Variants in SORL1 observed in about 807,000 individuals in gnomAD.
SORL1 encodes sortilin related receptor 1.
Under a neutral mutation model 273.7 loss-of-function variants are expected in SORL1, and 127 were observed. The observed-to-expected ratio is 0.46, with a 90% CI of 0.40 to 0.54. The LOEUF is 0.54. Among genes scored for constraint, SORL1 ranks in the 20% least tolerant of loss-of-function variants. SORL1 has a pLI of 0.00. For missense variants in SORL1, 2,494 were observed against 2,846.1 expected, an observed-to-expected ratio of 0.88 and a Z score of 2.81; for synonymous variants, 1,031 against 1,067.4, an observed-to-expected ratio of 0.97 and a Z score of 0.66.
chr11:121,612,517 G>T, intron 39 of SORL1: 4 of 366,748 alleles, frequency 1.1e-5, no homozygotes, highest in South Asian at 4.9e-5. Flanking sequence ...ATTAAATATG[G>T]TCTCGTTTGT....
Position 121,629,640 on chromosome 11 carries a change from A to G in SORL1, c.*77A>G, listed in dbSNP as rs1863846601. On this transcript the variant is annotated 3_prime_UTR_variant, in exon 48 of 48. Coordinates refer to ENST00000260197, the MANE Select transcript of SORL1 (RefSeq NM_003105.6). ...GATAGTTGATGGTTTATTTTAAAAG[A>G]TGCACTTTGAGTTGCAATATGTTAT... is the stretch of plus-strand genomic sequence containing the variant. 1 of 761,622 alleles carries G rather than the reference A, an allele frequency of 1.3e-6. No homozygotes were observed. Among genetic ancestry groups the G allele is most frequent in the East Asian group, 2.5e-5 (1 of 39,868 alleles). 47.2% of individuals were successfully genotyped at this position (761,622 alleles called of 1,614,324 possible).
At chr11:121,553,704 A>G (rs1388603780) in intron 16 of SORL1, among the ~76,000 whole-genome samples, 2 of 152,252 alleles carry the variant, frequency 1.3e-5, no homozygotes, top group Non-Finnish European at 2.9e-5. Context: ...CATAACAAGT[A>G]AAACACTTGC....
In SORL1 at chr11:121,554,060, A is replaced by G. The variant is rs199951452; in HGVS notation, c.2390A>G (p.Tyr797Cys). 5.6e-6 allele frequency: 9 copies of G among 1,614,040 alleles called. No homozygotes were observed. The highest frequency in any genetic ancestry group is 1.6e-4 in the Middle Eastern group (1 of 6,084). Residue 797 changes from tyrosine (Y) to cysteine (C), a missense_variant, in exon 17 of 48, where the codon TAT (tyrosine) becomes TGT (cysteine). This residue lies in a region of SORL1 where 710 missense variants were observed against 882.5 expected (regional missense o/e 0.80). Transcript: ENST00000260197. The surrounding 1 kb of genome is among the most constrained non-coding windows in gnomAD (Gnocchi z 4.6). Reference protein sequence around the residue: ...LRAAVALDFDYEHNCLYWSDL... With the variant: ...LRAAVALDFDCEHNCLYWSDL... Reference sequence around the variant, plus strand: ...GCAGCAGTGGCCCTGGACTTTGACTATGAGCACAACTGTTTGTATTGGTCC... The same window carrying G: ...GCAGCAGTGGCCCTGGACTTTGACTGTGAGCACAACTGTTTGTATTGGTCC...
intron 2 of SORL1, 37 bp downstream of exon 2, chr11:121,470,160 C>A: frequency 7.4e-7 from 1 of 1,354,126 alleles, no homozygotes; most frequent in Non-Finnish European, 1.1e-6. Flanking sequence ...ACCTTGGTGC[C>A]ATCAACATGC....
chr11:121,529,362 G>T (rs1040714051), intron 11 of SORL1, among the ~76,000 whole-genome samples: 4 of 151,734 alleles, frequency 2.6e-5, no homozygotes, highest in Admixed American at 6.6e-5. Flanking sequence ...GATTTCAGGC[G>T]CTCACCACCA....
intron 44 of SORL1, 56 bp from the exon 45 acceptor site, chr11:121,622,106 A>C: frequency 1.0e-6 from 1 of 976,968 alleles, no homozygotes; most frequent in South Asian, 1.4e-5. Context: ...AGACAAGAAA[A>C]TAGAGTTTCA....
intron 22 of SORL1, among the ~76,000 whole-genome samples, chr11:121,567,787 C>T (rs769555664): frequency 3.3e-5 from 5 of 152,222 alleles, no homozygotes; most frequent in African/African-American, 7.2e-5. Context: ...TCCAGCATCA[C>T]GTTTCTGTGA....
chr11:121,524,505 A>G (rs1440163751), intron 11 of SORL1, among the ~76,000 whole-genome samples: 1 of 152,204 alleles, frequency 6.6e-6, no homozygotes, highest in East Asian at 1.9e-4. Flanking sequence ...TTGTGAGTTT[A>G]TCTGTGTGAG....
intron 1 of SORL1, among the ~76,000 whole-genome samples, chr11:121,460,735 A>G (rs1405235169): frequency 5.9e-5 from 9 of 152,150 alleles, no homozygotes; most frequent in African/African-American, 2.2e-4. Flanking sequence ...GGCATTGGAA[A>G]GGCTGGTATG....
At chr11:121,557,476 G>A (rs1862608638) in intron 19 of SORL1, 71 bp downstream of exon 19, 1 of 1,151,024 alleles carries the variant, frequency 8.7e-7, no homozygotes, top group African/African-American at 1.5e-5. Flanking sequence ...TGGAAACACA[G>A]ACTGCGGGAC....
Position 121,609,982 on chromosome 11 carries a change from G to A in SORL1, c.5240-1094G>A, listed in dbSNP as rs369453018. On this transcript the variant is annotated intron_variant, in intron 38 of 47. Transcript: ENST00000260197. The stretch of plus-strand genomic sequence containing the variant: ...CTTTACCATATGCAGCACTCGCACT[G>A]TTTTGCTCTGTGTTGGCCGCCTGAA... The A allele has an allele frequency of 7.7e-4, 117 of 152,332 alleles. 1 individual carries two copies. The highest frequency in any genetic ancestry group is 2.7e-3 in the African/African-American group (112 of 41,576). 9.4% of individuals were successfully genotyped at this position (152,332 alleles called of 1,614,324 possible). A position where few individuals can be genotyped will look rare whatever the true frequency, so the allele number is the denominator to read the frequency against.
rs1555081875 is a variant in SORL1, at chr11:121,586,696, G to GGC, written c.3814+368_3814+369insCG. Among the ~76,000 whole-genome samples, 8 of 12,186 alleles carry GGC rather than the reference G, an allele frequency of 6.6e-4. 1 individual carries two copies. The highest frequency in any genetic ancestry group is 5.4e-3 in the East Asian group (2 of 368). 8.0% of individuals were successfully genotyped at this position (12,186 alleles called of 152,430 possible). A position where few individuals can be genotyped will look rare whatever the true frequency, so the allele number is the denominator to read the frequency against. On this transcript the variant is annotated intron_variant, in intron 27 of 47. Transcript: ENST00000260197. ...CTGAGTATCACTGGGGGTAGAGTGG[G>GGC]GGGGGGGGCGGGGGGGGGGCATTTT...
At chr11:121,461,615 G>A (rs1465185742) in intron 1 of SORL1, among the ~76,000 whole-genome samples, 1 of 152,226 alleles carries the variant, frequency 6.6e-6, no homozygotes, top group Non-Finnish European at 1.5e-5. Context: ...TTCTCTTGGA[G>A]TTAGGAAAGT....
chr11:121,601,983 A>C (rs1863399862), intron 32 of SORL1, among the ~76,000 whole-genome samples: 1 of 152,174 alleles, frequency 6.6e-6, no homozygotes, highest in African/African-American at 2.4e-5. Flanking sequence ...CTCTCAATAG[A>C]AGATAACTCC....
At position 121,550,465 on chromosome 11, in the gene SORL1, T is replaced by C. The variant is rs76882042; in HGVS notation, c.2181-120T>C. ...ACTACGAACATCCTCTTTCTAGTTC[T>C]AAAGAGAAATGAGTGGATGGACTCT... is the stretch of plus-strand genomic sequence containing the variant. On this transcript the variant is annotated intron_variant, in intron 15 of 47. Transcript: ENST00000260197. The surrounding 1 kb of genome is among the most constrained non-coding windows in gnomAD (Gnocchi z 5.3). 3,940 of 844,062 alleles carry C rather than the reference T, an allele frequency of 4.7e-3. 112 individuals are homozygous for C. The African/African-American group carries it at 0.056, about 12-fold the overall frequency. The allele number at this position is 844,062 out of a possible 1,614,324, so 52.3% of individuals were successfully genotyped here. A position where few individuals can be genotyped will look rare whatever the true frequency, so the allele number is the denominator to read the frequency against.
intron 45 of SORL1, among the ~76,000 whole-genome samples, chr11:121,624,764 G>T (rs1264117359): frequency 6.6e-6 from 1 of 152,160 alleles, no homozygotes; most frequent in Admixed American, 6.5e-5. Flanking sequence ...AATATTGCTT[G>T]AGACAGGCAG....
At chr11:121,474,209 T>C (rs1231115879) in intron 2 of SORL1, among the ~76,000 whole-genome samples, 1 of 152,172 alleles carries the variant, frequency 6.6e-6, no homozygotes, top group Non-Finnish European at 1.5e-5. Flanking sequence ...CAAAGTGTGG[T>C]TGTGGTCTGT....
intron 11 of SORL1, among the ~76,000 whole-genome samples, chr11:121,526,756 A>G (rs661903): frequency 0.99 from 149,971 of 152,222 alleles, 73,931 homozygotes; most frequent in Middle Eastern, 1. Context: ...TAGTATATAA[A>G]AATACAACTG....
At chr11:121,584,518 AC>A (rs1385212567) in intron 26 of SORL1, among the ~76,000 whole-genome samples, 2 of 151,172 alleles carry the variant, frequency 1.3e-5, no homozygotes, top group Non-Finnish European at 3.0e-5. Flanking sequence ...TCATACTTAT[AC>A]CTAATCCTCA....
Sources: gnomAD v4.1 joint callset for allele counts (sites outside exome capture counted in the v4.1 genomes callset) on GRCh38, gnomAD v4.1.1 for gene constraint, gnomAD v4.1.1 regional missense constraint, Gnocchi (gnomAD v3.1) non-coding constraint, MANE v1.5 for transcripts, NCBI Gene and HGNC (gene_info 2026-07-23, HGNC 2026-07-21) for gene names.